PEBP1: variants seen among roughly 807,000 people sequenced by gnomAD.
PEBP1 encodes phosphatidylethanolamine binding protein 1.
PEBP1 carries 17 observed loss-of-function variants against 22.7 expected under a neutral mutation model. The ratio of observed to expected loss-of-function variants is 0.75; its 90% confidence interval spans 0.51 to 1.12. The LOEUF (loss-of-function observed/expected upper bound fraction) is 1.12, where lower values mean the gene tolerates loss of function less well. PEBP1 is among the 50% of genes most tolerant of loss of function. PEBP1 has a pLI of 0.00. For synonymous variants in PEBP1, 106 were observed against 104.3 expected, an observed-to-expected ratio of 1.02 and a Z score of -0.10; for missense variants, 205 against 243.5, an observed-to-expected ratio of 0.84 and a Z score of 1.05.
rs1226300639 is a variant in PEBP1 at position 118,145,325 on chromosome 12, G to C, written c.*522G>C. 3.6e-6 allele frequency: 1 copy of C among 274,160 alleles called. No individual in the cohort carries two copies. The highest frequency in any genetic ancestry group is 7.0e-6 in the Non-Finnish European group (1 of 141,894). The allele number at this position is 274,160 out of a possible 1,614,324, so 17.0% of individuals were successfully genotyped here. ...AACACAGTGCATCTCAGATGCCTCA[G>C]TAGGCATCAGTATGTCACTCTGGTC... is the stretch of plus-strand genomic sequence containing the variant. On this transcript the variant is annotated 3_prime_UTR_variant, in exon 4 of 4. Transcript: ENST00000261313.
At chr12:118,141,374 C>T (rs979198360) in intron 3 of PEBP1, among the ~76,000 whole-genome samples, 1 of 152,184 alleles carries the variant, frequency 6.6e-6, no homozygotes, top group African/African-American at 2.4e-5. Context: ...CTTGGCCTCC[C>T]AAAGTGCTGG....
rs1272457365 is a variant in PEBP1 at position 118,145,293 on chromosome 12, A to G, written c.*490A>G. The G allele has an allele frequency of 3.0e-6, 1 of 332,454 alleles. No individual in the cohort carries two copies. The highest frequency in any genetic ancestry group is 2.2e-5 in the African/African-American group (1 of 45,920). 20.6% of individuals were successfully genotyped at this position (332,454 alleles called of 1,614,324 possible). Reference sequence around the variant, plus strand: ...ACAACCAGAGGCTGGCATTGAGGCTAACCTCCAACACAGTGCATCTCAGAT... The same window carrying G: ...ACAACCAGAGGCTGGCATTGAGGCTGACCTCCAACACAGTGCATCTCAGAT... On this transcript the variant is annotated 3_prime_UTR_variant, in exon 4 of 4. Transcript: ENST00000261313.
At chr12:118,139,887 C>A (rs1368494267) in intron 3 of PEBP1, among the ~76,000 whole-genome samples, 1 of 152,172 alleles carries the variant, frequency 6.6e-6, no homozygotes, top group Admixed American at 6.5e-5. Context: ...GTTAAACTAT[C>A]TCAAGCCTTT....
Position 118,136,218 on chromosome 12 carries a change from G to A in PEBP1, c.9G>A (p.Val3=), listed in dbSNP as rs1176418533. The change falls in exon 1 of 4, where the codon GTG becomes GTA. Residue 3 remains valine, a synonymous_variant. Coordinates refer to ENST00000261313, the MANE Select transcript of PEBP1 (RefSeq NM_002567.4). This position sits in a 1 kb window ranked among gnomAD's most constrained non-coding sequence, Gnocchi z 5.6. ...CTCTGCTTGGCCTCGCCATGCCGGT[G>A]GACCTCAGCAAGTGGTCCGGGCCCT... MP[V]DLSKWSGPLS... 2 of 1,546,078 alleles carry A rather than the reference G, an allele frequency of 1.3e-6. No individual in the cohort carries two copies. The highest frequency in any genetic ancestry group is 2.4e-5 in the East Asian group (1 of 40,866).
At chr12:118,139,266 C>CTTGCA (rs1225181592) in intron 2 of PEBP1, among the ~76,000 whole-genome samples, 185 bp from the exon 3 acceptor site, 1 of 149,936 alleles carries the variant, frequency 6.7e-6, no homozygotes, top group African/African-American at 2.5e-5. Context: ...GAGCCGAGAT[C>CTTGCA]GTGCCACTGC....
chr12:118,140,092 G>A (rs187883730), intron 3 of PEBP1, among the ~76,000 whole-genome samples: 18 of 152,182 alleles, frequency 1.2e-4, no homozygotes, highest in Admixed American at 7.9e-4. Flanking sequence ...GTGTAGTATC[G>A]TGTTATAGCT....
intron 3 of PEBP1, among the ~76,000 whole-genome samples, chr12:118,140,646 C>G (rs1053694420): frequency 2.0e-5 from 3 of 151,876 alleles, no homozygotes; most frequent in African/African-American, 7.3e-5. Flanking sequence ...TCATGCCATT[C>G]TCCTGCCTCA....
intron 3 of PEBP1, 32 bp downstream of exon 3, chr12:118,139,583 G>C: frequency 7.1e-7 from 1 of 1,412,604 alleles, no homozygotes; most frequent in East Asian, 2.3e-5. Flanking sequence ...TGGGAGGTTG[G>C]GGAGGGAGCT....
chr12:118,136,437 G>A lies in PEBP1; in HGVS notation c.135+93G>A. Reference sequence around the variant, plus strand: ...ACCCAGCGGAGACAGGGCCAGGGGCGGTGGGGAGGTTCAGCCTGCGTGTGT... The same window carrying A: ...ACCCAGCGGAGACAGGGCCAGGGGCAGTGGGGAGGTTCAGCCTGCGTGTGT... On this transcript the variant is annotated intron_variant, in intron 1 of 3. Transcript: ENST00000261313. The surrounding 1 kb of genome is among the most constrained non-coding windows in gnomAD (Gnocchi z 5.6). 2 of 1,398,570 alleles carry A rather than the reference G, an allele frequency of 1.4e-6. No homozygotes were observed. Among genetic ancestry groups the A allele is most frequent in the East Asian group, 2.6e-5 (1 of 38,452 alleles). 86.6% of individuals were successfully genotyped at this position (1,398,570 alleles called of 1,614,324 possible). A position where few individuals can be genotyped will look rare whatever the true frequency, so the allele number is the denominator to read the frequency against.
chr12:118,139,885 A>C (rs2034100375), intron 3 of PEBP1, among the ~76,000 whole-genome samples: 1 of 152,196 alleles, frequency 6.6e-6, no homozygotes, highest in Admixed American at 6.5e-5. Flanking sequence ...CAGTTAAACT[A>C]TCTCAAGCCT....
intron 3 of PEBP1, among the ~76,000 whole-genome samples, chr12:118,142,352 C>T (rs567292557): frequency 8.6e-5 from 13 of 151,642 alleles, no homozygotes; most frequent in African/African-American, 2.9e-4. Flanking sequence ...CCATCACACC[C>T]GGCTAATTTT....
At chr12:118,141,552 G>A (rs2034114462) in intron 3 of PEBP1, among the ~76,000 whole-genome samples, 3 of 152,166 alleles carry the variant, frequency 2.0e-5, no homozygotes, top group Admixed American at 2.0e-4. Flanking sequence ...TGGCCAACAT[G>A]GTACAACTCT....
intron 3 of PEBP1, 26 bp downstream of exon 3, chr12:118,139,577 A>G: frequency 6.8e-7 from 1 of 1,463,114 alleles, no homozygotes; most frequent in Non-Finnish European, 9.5e-7. Flanking sequence ...TTTTGGTGGG[A>G]GGTTGGGGAG....
chr12:118,137,866 T>G (rs955382682), intron 1 of PEBP1, among the ~76,000 whole-genome samples, 173 bp from the exon 2 acceptor site: 2 of 152,086 alleles, frequency 1.3e-5, no homozygotes, highest in South Asian at 2.1e-4. Flanking sequence ...TTTTGTAGTT[T>G]TAGTAGAGGC....
rs2034064322 is a variant in PEBP1, at chr12:118,136,732, G to C, written c.135+388G>C. Among the ~76,000 whole-genome samples the C allele has an allele frequency of 6.6e-6, 1 of 152,202 alleles. No individual in the cohort carries two copies. Among genetic ancestry groups the C allele is most frequent in the South Asian group, 2.1e-4 (1 of 4,828 alleles). Reference sequence around the variant, plus strand: ...CGGACGCCCCCAGAGCTTCCCCTAGGGCCTCAGCATTTTAGGCCTGGTTTT... The same window carrying C: ...CGGACGCCCCCAGAGCTTCCCCTAGCGCCTCAGCATTTTAGGCCTGGTTTT... On this transcript the variant is annotated intron_variant, in intron 1 of 3. Coordinates refer to ENST00000261313, the MANE Select transcript of PEBP1 (RefSeq NM_002567.4). The surrounding 1 kb of genome is among the most constrained non-coding windows in gnomAD (Gnocchi z 5.6).
At chr12:118,137,217 C>T (rs551727334) in intron 1 of PEBP1, among the ~76,000 whole-genome samples, 3 of 152,258 alleles carry the variant, frequency 2.0e-5, no homozygotes, top group Admixed American at 1.3e-4. Context: ...AATCCAGAAA[C>T]GCTGTGATTC....
chr12:118,137,659 C>CT (rs1215232207), intron 1 of PEBP1, among the ~76,000 whole-genome samples: 2 of 152,100 alleles, frequency 1.3e-5, no homozygotes, highest in Non-Finnish European at 2.9e-5. Context: ...TTTGGAGAGT[C>CT]TGAGATCAAA....
At position 118,142,826 on chromosome 12, in the gene PEBP1, C is replaced by CTTTTT. The variant is rs374392598; in HGVS notation, c.347-1733_347-1729dup. 6.9e-4 allele frequency among the ~76,000 whole-genome samples: 65 copies of CTTTTT among 93,632 alleles called. 5 individuals carry two copies. The highest frequency in any genetic ancestry group is 4.3e-3 in the South Asian group (10 of 2,314). The allele number at this position is 93,632 out of a possible 152,430, so 61.4% of individuals were successfully genotyped here. A position where few individuals can be genotyped will look rare whatever the true frequency, so the allele number is the denominator to read the frequency against. ...ACTACAGTAGCGTTAACTACATTCA[C>CTTTTT]TTTTTTTTTTTTTTTTTTTTTTTTT... is the stretch of plus-strand genomic sequence containing the variant. On this transcript the variant is annotated intron_variant, in intron 3 of 3. Transcript: ENST00000261313.
At chr12:118,137,781 C>T (rs1308813856) in intron 1 of PEBP1, among the ~76,000 whole-genome samples, 1 of 151,922 alleles carries the variant, frequency 6.6e-6, no homozygotes, top group Non-Finnish European at 1.5e-5. Context: ...TCTGCCTCCC[C>T]AGCTCAAGTG....
Sources: gnomAD v4.1 joint callset for allele counts (sites outside exome capture counted in the v4.1 genomes callset) on GRCh38, gnomAD v4.1.1 for gene constraint, Gnocchi (gnomAD v3.1) non-coding constraint, MANE v1.5 for transcripts, NCBI Gene and HGNC (gene_info 2026-07-23, HGNC 2026-07-21) for gene names.